The following SUGCT variants were observed in gnomAD, a reference collection of about 807,000 sequenced individuals.
The protein encoded by SUGCT is succinyl-CoA:glutarate CoA-transferase.
In SUGCT, 41 loss-of-function variants were observed where a neutral mutation model predicts 55.0. That is an observed-to-expected ratio of 0.74 (90% CI 0.58 to 0.97). The LOEUF is 0.97. Ranked by LOEUF, SUGCT falls within the 50% of genes least tolerant of loss-of-function variation. The pLI, the probability that SUGCT is intolerant of heterozygous loss-of-function variation, is 0.00. For synonymous variants in SUGCT, 187 were observed against 200.4 expected, an observed-to-expected ratio of 0.93 and a Z score of 0.56; for missense variants, 568 against 547.8, an observed-to-expected ratio of 1.04 and a Z score of -0.37.
At chr7:40,142,266 G>C (rs1788030311) in intron 1 of SUGCT, among the ~76,000 whole-genome samples, 1 of 152,170 alleles carries the variant, frequency 6.6e-6, no homozygotes, top group African/African-American at 2.4e-5. Flanking sequence ...AGGAAGTTAA[G>C]TTTAAAACTA....
chr7:40,401,288 C>T (rs769829503), intron 9 of SUGCT, among the ~76,000 whole-genome samples: 1 of 152,114 alleles, frequency 6.6e-6, no homozygotes, highest in African/African-American at 2.4e-5. Flanking sequence ...ATATAAGTTA[C>T]AGTAGTACCT....
chr7:40,378,936 T>A (rs1289174729), intron 9 of SUGCT, among the ~76,000 whole-genome samples: 1 of 152,214 alleles, frequency 6.6e-6, no homozygotes, highest in African/African-American at 2.4e-5. Flanking sequence ...AAAGTGTGAC[T>A]ATTATCACAT....
intron 12 of SUGCT, among the ~76,000 whole-genome samples, chr7:40,534,010 A>G (rs1794228229): frequency 6.6e-6 from 1 of 152,200 alleles, no homozygotes; most frequent in Non-Finnish European, 1.5e-5. Flanking sequence ...TCGAAAGTAT[A>G]TACTTAAATT....
downstream of SUGCT, among the ~76,000 whole-genome samples, chr7:40,864,720 G>A (rs916526901): frequency 2.0e-5 from 3 of 149,408 alleles, no homozygotes; most frequent in Non-Finnish European, 2.9e-5. Context: ...TTTGATTAGG[G>A]GGAAAGGGAA....
chr7:40,830,427 C>T (rs1207951024), intron 13 of SUGCT, among the ~76,000 whole-genome samples: 1 of 152,158 alleles, frequency 6.6e-6, no homozygotes, highest in Non-Finnish European at 1.5e-5. Flanking sequence ...CTGAGGACCT[C>T]CTTGCAATGT....
In SUGCT at chr7:40,508,660, T is replaced by C. The variant is rs994769950; in HGVS notation, c.1089+12274T>C. On this transcript the variant is annotated intron_variant, in intron 12 of 13. Coordinates refer to ENST00000335693, the MANE Select transcript of SUGCT (RefSeq NM_001193313.2). ...TTTAGTTGATTCTCTTGAATGAATG[T>C]TTTTTCATTTGCCATATGACCTACA... Among the ~76,000 whole-genome samples the C allele has an allele frequency of 5.3e-5, 8 of 152,100 alleles. No homozygotes were observed. In the East Asian group the frequency reaches 1.5e-3, roughly 29 times the overall value.
intron 9 of SUGCT, among the ~76,000 whole-genome samples, chr7:40,408,993 C>T (rs1297752728): frequency 6.6e-6 from 1 of 152,068 alleles, no homozygotes; most frequent in Non-Finnish European, 1.5e-5. Flanking sequence ...CTTGCTGTGT[C>T]GCCTGGGCTG....
At position 40,234,449 on chromosome 7, in the gene SUGCT, T is replaced by G. The variant is rs1584411692; in HGVS notation, c.485-3186T>G. On this transcript the variant is annotated intron_variant, in intron 6 of 13. Coordinates refer to ENST00000335693, the MANE Select transcript of SUGCT (RefSeq NM_001193313.2). ...ATTCTCTAAAACTTGGCGTTATTTC[T>G]GCACAGAGAATGTTGGCTTATAGTT... 3.3e-5 allele frequency among the ~76,000 whole-genome samples: 5 copies of G among 152,350 alleles called. 1 individual carries two copies. The South Asian group carries it at 1.0e-3, about 32-fold the overall frequency.
intron 1 of SUGCT, among the ~76,000 whole-genome samples, chr7:40,151,066 C>G (rs564080465): frequency 1.3e-3 from 197 of 152,204 alleles, no homozygotes; most frequent in African/African-American, 4.5e-3. Context: ...GAAACCCTGT[C>G]TCTACTAAAA....
At chr7:40,796,342 C>T (rs1276906153) in intron 13 of SUGCT, among the ~76,000 whole-genome samples, 1 of 152,166 alleles carries the variant, frequency 6.6e-6, no homozygotes, top group African/African-American at 2.4e-5. Context: ...AAGGAGAGAA[C>T]TTCTGACTGA....
intron 13 of SUGCT, among the ~76,000 whole-genome samples, chr7:40,812,613 CT>C (rs373117189): frequency 6.6e-6 from 1 of 151,754 alleles, no homozygotes; most frequent in Admixed American, 6.6e-5. Context: ...GATCTTCTCT[CT>C]TTTTTTTGTT....
At chr7:40,992,136 G>A in the SUGCT span, among the ~76,000 whole-genome samples, 5 of 152,258 alleles carry the variant, frequency 3.3e-5, 1 homozygote, top group South Asian at 1.0e-3. Context: ...TTGATTATAT[G>A]CTAAACAAGG....
At chr7:40,345,605 T>C (rs572510254) in intron 9 of SUGCT, among the ~76,000 whole-genome samples, 80 of 152,272 alleles carry the variant, frequency 5.3e-4, no homozygotes, top group South Asian at 3.5e-3. Context: ...CATTCACCTG[T>C]TGAATGATTT....
chr7:40,420,350 G>GT lies in SUGCT; in HGVS notation c.817-28931dup, dbSNP rs540977187. On this transcript the variant is annotated intron_variant, in intron 9 of 13. Coordinates refer to ENST00000335693, the MANE Select transcript of SUGCT (RefSeq NM_001193313.2). ...TTTTTTGTTTTTTGTTTTTGTTTTT[G>GT]TTTTTTGAGACAGAATCTTACTCTG... Among the ~76,000 whole-genome samples the GT allele has an allele frequency of 3.9e-3, 593 of 151,884 alleles. 4 individuals are homozygous for GT. Among genetic ancestry groups the GT allele is most frequent in the African/African-American group, 0.013 (540 of 41,464 alleles).
At chr7:40,153,629 C>G (rs912909248) in intron 1 of SUGCT, 1 of 522,430 alleles carries the variant, frequency 1.9e-6, no homozygotes. Flanking sequence ...TTATAATAGT[C>G]GATCCAATGT....
intron 13 of SUGCT, among the ~76,000 whole-genome samples, chr7:40,831,702 G>T (rs991000949): frequency 6.6e-6 from 1 of 152,098 alleles, no homozygotes; most frequent in Non-Finnish European, 1.5e-5. Context: ...CTTGAGTTCC[G>T]ACTGTGAACA....
chr7:40,244,425 A>G (rs1255013056), intron 7 of SUGCT, among the ~76,000 whole-genome samples: 2 of 152,176 alleles, frequency 1.3e-5, no homozygotes, highest in South Asian at 4.1e-4. Context: ...AGGTTTCAGG[A>G]CATAAGGGGA....
At chr7:40,543,153 T>A (rs1399458438) in intron 12 of SUGCT, among the ~76,000 whole-genome samples, 1 of 152,198 alleles carries the variant, frequency 6.6e-6, no homozygotes, top group Non-Finnish European at 1.5e-5. Flanking sequence ...CTCTACCCAT[T>A]TCTCAAATTC....
chr7:40,752,276 C>T (rs376203644), intron 13 of SUGCT, among the ~76,000 whole-genome samples: 17 of 152,294 alleles, frequency 1.1e-4, no homozygotes, highest in Middle Eastern at 3.4e-3. Context: ...CAAGCAGAAA[C>T]CACAGTGCTA....
Sources: gnomAD v4.1 joint callset for allele counts (sites outside exome capture counted in the v4.1 genomes callset) on GRCh38, gnomAD v4.1.1 for gene constraint, MANE v1.5 for transcripts, NCBI Gene and HGNC (gene_info 2026-07-23, HGNC 2026-07-21) for gene names.